The following ANP32E variants were observed in gnomAD, a reference collection of about 807,000 sequenced individuals.
The protein encoded by ANP32E is acidic nuclear phosphoprotein 32 family member E.
A neutral mutation model predicts 35.3 loss-of-function variants in ANP32E; 14 were observed. That is an observed-to-expected ratio of 0.40 (90% CI 0.26 to 0.62). ANP32E has a LOEUF of 0.62. ANP32E is among the 20% of genes least tolerant of loss of function. The probability of loss-of-function intolerance (pLI) is 0.45; values close to 1 mark genes in which losing one functional copy is unlikely to be tolerated. For synonymous variants in ANP32E, 89 were observed against 110.4 expected (o/e 0.81, Z 1.22); for missense variants, 198 against 304.4 (o/e 0.65, Z 2.60).
intron 2 of ANP32E, 130 bp from the exon 3 acceptor site, chr1:150,230,823 C>T (rs1649295436): frequency 1.4e-6 from 1 of 731,444 alleles, no homozygotes; most frequent in East Asian, 3.5e-5. Context: ...CTCACTGCAA[C>T]CTCCGCCTCC....
At chr1:150,234,146 C>T (rs1246736523) in intron 1 of ANP32E, among the ~76,000 whole-genome samples, 1 of 151,928 alleles carries the variant, frequency 6.6e-6, no homozygotes, top group African/African-American at 2.4e-5. Context: ...ACGTCTTGCA[C>T]ACCCCAAAAC....
At chr1:150,231,732 G>T (rs1420984717) in intron 2 of ANP32E, 45 bp downstream of exon 2, 1 of 1,548,858 alleles carries the variant, frequency 6.5e-7, no homozygotes, top group Non-Finnish European at 8.7e-7. Flanking sequence ...TAGACATATA[G>T]CCGTGGCATT....
chr1:150,227,062 T>C (rs1188158024), intron 4 of ANP32E, among the ~76,000 whole-genome samples: 3 of 152,194 alleles, frequency 2.0e-5, no homozygotes, highest in African/African-American at 7.2e-5. Flanking sequence ...CACTAAAGTT[T>C]GTTTTACTTT....
At chr1:150,221,550 AGGGAG>A in intron 6 of ANP32E, among the ~76,000 whole-genome samples, 2 of 81,336 alleles carry the variant, frequency 2.5e-5, no homozygotes, top group African/African-American at 1.1e-4. Context: ...GGAGGGAGGG[AGGGAG>A]GGAAGGAAAG....
Position 150,235,671 on chromosome 1 carries a change from C to T in ANP32E, c.54+62G>A. The T allele has an allele frequency of 6.2e-7, 1 of 1,607,958 alleles. No individual in the cohort carries two copies. Among genetic ancestry groups the T allele is most frequent in the South Asian group, 1.1e-5 (1 of 90,344 alleles). Reference sequence around the variant, plus strand: ...TCCCCGCACACCCACCCAGGACCACCAGAAATCCGATCCTCAGAATACTGG... The same window carrying T: ...TCCCCGCACACCCACCCAGGACCACTAGAAATCCGATCCTCAGAATACTGG... On this transcript the variant is annotated intron_variant, in intron 1 of 6. Coordinates refer to ENST00000583931, the MANE Select transcript of ANP32E (RefSeq NM_030920.5). This position sits in a 1 kb window ranked among gnomAD's most constrained non-coding sequence, Gnocchi z 4.2.
At position 150,236,084 on chromosome 1, in the gene ANP32E, C is replaced by T; in HGVS notation, c.-298G>A. The T allele has an allele frequency of 3.1e-6, 1 of 325,148 alleles. No homozygotes were observed. Among genetic ancestry groups the T allele is most frequent in the South Asian group, 4.2e-5 (1 of 23,818 alleles). The allele number at this position is 325,148 out of a possible 1,614,324, so 20.1% of individuals were successfully genotyped here. ...CACATACACACACACACCCGCAGTT[C>T]CTTCCCCTTCAATGGCTGCTCAGAG... On this transcript the variant is annotated 5_prime_UTR_variant, in exon 1 of 7. Coordinates refer to ENST00000583931, the MANE Select transcript of ANP32E (RefSeq NM_030920.5).
chr1:150,227,829 A>G (rs1294336352), intron 4 of ANP32E, among the ~76,000 whole-genome samples: 1 of 123,928 alleles, frequency 8.1e-6, no homozygotes, highest in East Asian at 3.3e-4. Context: ...TTTTCACTCA[A>G]TAATAATGAG....
chr1:150,224,198 G>A (rs1157132800), intron 5 of ANP32E, among the ~76,000 whole-genome samples: 5 of 152,148 alleles, frequency 3.3e-5, no homozygotes, highest in African/African-American at 9.7e-5. Flanking sequence ...AGGAAATACT[G>A]CAGACTAAAC....
intron 1 of ANP32E, among the ~76,000 whole-genome samples, chr1:150,232,360 A>AAAAAAT (rs1201482344): frequency 7.6e-6 from 1 of 132,256 alleles, no homozygotes; most frequent in Admixed American, 7.9e-5. Context: ...AAAAAAAAAT[A>AAAAAAT]ACAACACAAC....
chr1:150,223,681 C>CA (rs781932099), intron 5 of ANP32E, among the ~76,000 whole-genome samples: 48,811 of 76,586 alleles, frequency 0.64, 15,551 homozygotes, highest in Non-Finnish European at 0.68. Flanking sequence ...GGCTTCATCT[C>CA]AAAAAAAAAA....
At chr1:150,230,088 A>G (rs11205344) in intron 3 of ANP32E, among the ~76,000 whole-genome samples, 14,243 of 151,958 alleles carry the variant, frequency 0.094, 2,205 homozygotes, top group African/African-American at 0.32. Flanking sequence ...TATGTTGCCC[A>G]GGTTGGTCTC....
At chr1:150,227,047 G>A (rs1016444122) in intron 4 of ANP32E, among the ~76,000 whole-genome samples, 1 of 151,828 alleles carries the variant, frequency 6.6e-6, no homozygotes, top group Admixed American at 6.6e-5. Context: ...TGAAAATATT[G>A]CATGCACTAA....
intron 5 of ANP32E, among the ~76,000 whole-genome samples, chr1:150,225,668 CAAAAAAAAA>C (rs1648810070): frequency 4.2e-5 from 5 of 119,248 alleles, no homozygotes; most frequent in Non-Finnish European, 8.0e-5. Context: ...GAGACTGTAA[CAAAAAAAAA>C]AAAAAAAAAA....
chr1:150,232,343 CAAAAAAAAAAA>C (rs1212430232), intron 1 of ANP32E, among the ~76,000 whole-genome samples: 1 of 7,258 alleles, frequency 1.4e-4, no homozygotes, highest in Non-Finnish European at 3.3e-4. Flanking sequence ...GACTCCGTCT[CAAAAAAAAAAA>C]AAAATAACAA....
intron 6 of ANP32E, among the ~76,000 whole-genome samples, chr1:150,222,790 T>A (rs1648537083): frequency 6.6e-6 from 1 of 151,480 alleles, no homozygotes; most frequent in South Asian, 2.1e-4. Context: ...TATATATAAA[T>A]TTTTAAAGGC....
intron 1 of ANP32E, among the ~76,000 whole-genome samples, chr1:150,232,715 C>T (rs1372650409): frequency 5.9e-5 from 9 of 151,904 alleles, no homozygotes; most frequent in African/African-American, 9.7e-5. Flanking sequence ...TCAGGTGATT[C>T]GCCCCCCTCA....
chr1:150,224,649 G>A (rs1315470705), intron 5 of ANP32E, among the ~76,000 whole-genome samples: 3 of 151,952 alleles, frequency 2.0e-5, no homozygotes, highest in African/African-American at 7.3e-5. Context: ...GACCCCAAAT[G>A]AATATAAATC....
At chr1:150,229,302 T>TTTC (rs1553841046) in intron 3 of ANP32E, 65 bp from the exon 4 acceptor site, 40 of 961,606 alleles carry the variant, frequency 4.2e-5, no homozygotes, top group Middle Eastern at 3.4e-4. Flanking sequence ...TTTTTTCTTT[T>TTTC]TTTTTTTTTT....
chr1:150,223,576 G>A (rs1648611880), intron 5 of ANP32E, among the ~76,000 whole-genome samples: 1 of 150,126 alleles, frequency 6.7e-6, no homozygotes. Context: ...AGCTACTCGG[G>A]AGGCTGACGC....
Sources: gnomAD v4.1 joint callset for allele counts (sites outside exome capture counted in the v4.1 genomes callset) on GRCh38, gnomAD v4.1.1 for gene constraint, Gnocchi (gnomAD v3.1) non-coding constraint, MANE v1.5 for transcripts, NCBI Gene and HGNC (gene_info 2026-07-23, HGNC 2026-07-21) for gene names.